Variants in WDR59 observed in about 807,000 individuals in gnomAD.
WDR59 encodes GATOR2 complex protein WDR59.
Under a neutral mutation model 131.2 loss-of-function variants are expected in WDR59, and 100 were observed. The ratio of observed to expected loss-of-function variants is 0.76; its 90% CI spans 0.65 to 0.90. The LOEUF (loss-of-function observed/expected upper bound fraction) is 0.90, where lower values mean the gene tolerates loss of function less well. WDR59 is among the 40% of genes least tolerant of loss of function. The probability of loss-of-function intolerance (pLI) is 0.00; values close to 1 mark genes in which losing one functional copy is unlikely to be tolerated. For synonymous variants in WDR59, 601 were observed against 466.2 expected (o/e 1.29, Z -3.72); for missense variants, 1,203 against 1,262.2 (o/e 0.95, Z 0.71).
At chr16:74,888,931 G>C (rs889776135) in intron 21 of WDR59, among the ~76,000 whole-genome samples, 1 of 152,216 alleles carries the variant, frequency 6.6e-6, no homozygotes, top group Admixed American at 6.5e-5. Flanking sequence ...GAGGGGCTTT[G>C]CCTTTAAGAA....
rs1336010990 is a variant in WDR59, at chr16:74,909,975, T to TC, written c.1390-59_1390-58insG. On this transcript the variant is annotated intron_variant, in intron 14 of 25. Transcript: ENST00000262144. Reference sequence around the variant, plus strand: ...GAACACATTTCTCTGATAGGTTTTTTTTTTTTTTTTGAGACAAAGTCTCTC... The same window carrying TC: ...GAACACATTTCTCTGATAGGTTTTTTCTTTTTTTTTTGAGACAAAGTCTCTC... The TC allele has an allele frequency of 1.4e-4, 201 of 1,394,406 alleles. 2 individuals carry two copies. In the East Asian group the frequency reaches 4.5e-3, roughly 31 times the overall value. The allele number at this position is 1,394,406 out of a possible 1,614,324, so 86.4% of individuals were successfully genotyped here. A position where few individuals can be genotyped will look rare whatever the true frequency, so the allele number is the denominator to read the frequency against.
intron 1 of WDR59, among the ~76,000 whole-genome samples, chr16:74,966,428 C>T (rs769652056): frequency 2.3e-4 from 35 of 151,986 alleles, no homozygotes; most frequent in Non-Finnish European, 2.4e-4. Context: ...TGCAGTGACT[C>T]GAGATTGAGC....
At chr16:74,914,811 G>A (rs932413332) in intron 13 of WDR59, among the ~76,000 whole-genome samples, 1 of 152,046 alleles carries the variant, frequency 6.6e-6, no homozygotes, top group Non-Finnish European at 1.5e-5. Context: ...CCAAGAAGGT[G>A]TCGATCTCTT....
chr16:74,981,513 G>C (rs2034402530), intron 1 of WDR59, among the ~76,000 whole-genome samples: 1 of 148,040 alleles, frequency 6.8e-6, no homozygotes, highest in African/African-American at 2.5e-5. Context: ...AGCCAAGATT[G>C]CACCACTGCA....
In WDR59 at chr16:74,967,442, A is replaced by G. The variant is rs1270967687; in HGVS notation, c.55-1620T>C. Among the ~76,000 whole-genome samples, 6 of 152,192 alleles carry G rather than the reference A, an allele frequency of 3.9e-5. No homozygotes were observed. The East Asian group carries it at 9.6e-4, about 24-fold the overall frequency. ...GTAGGCAGAATCCTAACAGCCCCCAAGATTCCAGGCCCTTGGTATATACAC... is the reference window on the plus strand; with the variant it reads ...GTAGGCAGAATCCTAACAGCCCCCAGGATTCCAGGCCCTTGGTATATACAC... On this transcript the variant is annotated intron_variant, in intron 1 of 25. Coordinates refer to ENST00000262144, the MANE Select transcript of WDR59 (RefSeq NM_030581.4).
chr16:74,879,438 G>A (rs1055705403), intron 25 of WDR59, among the ~76,000 whole-genome samples: 3 of 152,176 alleles, frequency 2.0e-5, no homozygotes, highest in Non-Finnish European at 2.9e-5. Context: ...AATGGATCAG[G>A]ATTTCTAGGA....
intron 18 of WDR59, chr16:74,899,852 C>T (rs1156293652): frequency 7.9e-6 from 7 of 886,048 alleles, no homozygotes; most frequent in East Asian, 6.2e-5. Flanking sequence ...CCCACACATC[C>T]GATGGATTCC....
intron 14 of WDR59, among the ~76,000 whole-genome samples, chr16:74,910,839 C>A (rs1290974661): frequency 6.6e-6 from 1 of 151,952 alleles, no homozygotes; most frequent in African/African-American, 2.4e-5. Context: ...ATGGCATGAT[C>A]TCCGCTCACT....
chr16:74,876,052 G>C (rs147138831), intron 25 of WDR59, among the ~76,000 whole-genome samples: 187 of 152,082 alleles, frequency 1.2e-3, no homozygotes, highest in Admixed American at 3.0e-3. Context: ...GTTACACCAC[G>C]CATCTTCCAA....
At chr16:74,973,584 G>GGCATGA (rs1185213245) in intron 1 of WDR59, among the ~76,000 whole-genome samples, 1 of 152,172 alleles carries the variant, frequency 6.6e-6, no homozygotes, top group Non-Finnish European at 1.5e-5. Context: ...CACCATGCTT[G>GGCATGA]GCCCAACAGT....
chr16:74,877,941 C>G (rs1432454383), intron 25 of WDR59, among the ~76,000 whole-genome samples: 1 of 152,212 alleles, frequency 6.6e-6, no homozygotes, highest in African/African-American at 2.4e-5. Flanking sequence ...CCAATCACCT[C>G]TGACAACTCT....
intron 8 of WDR59, among the ~76,000 whole-genome samples, chr16:74,928,256 C>G (rs900131665): frequency 5.6e-5 from 8 of 143,968 alleles, no homozygotes; most frequent in Admixed American, 1.5e-4. Context: ...CTTTGCAGCC[C>G]AGGCTGAAGT....
At chr16:74,964,060 T>C (rs541092919) in intron 2 of WDR59, among the ~76,000 whole-genome samples, 1 of 151,400 alleles carries the variant, frequency 6.6e-6, no homozygotes, top group Non-Finnish European at 1.5e-5. Context: ...AAATGAAATA[T>C]AAAGATTCAA....
At chr16:74,882,960 G>A (rs536582703) in intron 25 of WDR59, among the ~76,000 whole-genome samples, 3 of 148,458 alleles carry the variant, frequency 2.0e-5, no homozygotes, top group East Asian at 1.9e-4. Flanking sequence ...CCACCCCATC[G>A]CTCCCTAGAT....
At chr16:74,979,838 CTTT>C (rs56943510) in intron 1 of WDR59, among the ~76,000 whole-genome samples, 113 of 60,502 alleles carry the variant, frequency 1.9e-3, no homozygotes, top group South Asian at 4.6e-3. Flanking sequence ...CACACCCGGC[CTTT>C]TTTTTTTTTT....
chr16:74,921,945 A>C lies in WDR59; in HGVS notation c.886+2T>G. The C allele has an allele frequency of 6.2e-7, 1 of 1,613,426 alleles. No individual in the cohort carries two copies. Among genetic ancestry groups the C allele is most frequent in the South Asian group, 1.1e-5 (1 of 90,946 alleles). On this transcript the variant is annotated splice_donor_variant, in intron 10 of 25. Coordinates refer to ENST00000262144, the MANE Select transcript of WDR59 (RefSeq NM_030581.4). LOFTEE classifies it high-confidence loss of function. The stretch of plus-strand genomic sequence containing the variant: ...AGTGGGCAGCAGGCCTCTCCCACTC[A>C]CCTTCCTTCTGCTTCCTCCACTGGA...
At position 74,961,140 on chromosome 16, in the gene WDR59, T is replaced by C. The variant is rs1385008895; in HGVS notation, c.105-4530A>G. 4.5e-5 allele frequency among the ~76,000 whole-genome samples: 6 copies of C among 132,776 alleles called. No homozygotes were observed. The Admixed American group carries it at 4.6e-4, about 10-fold the overall frequency. 87.1% of individuals were successfully genotyped at this position (132,776 alleles called of 152,430 possible). A position where few individuals can be genotyped will look rare whatever the true frequency, so the allele number is the denominator to read the frequency against. On this transcript the variant is annotated intron_variant, in intron 2 of 25. Coordinates refer to ENST00000262144, the MANE Select transcript of WDR59 (RefSeq NM_030581.4). Reference sequence around the variant, plus strand: ...AGGCAACACAGGGAGACCCTGTCTCTACAAAAAAAAAAAACTTAGCCAGAC... The same window carrying C: ...AGGCAACACAGGGAGACCCTGTCTCCACAAAAAAAAAAAACTTAGCCAGAC...
At chr16:74,909,398 G>T in intron 16 of WDR59, 103 bp downstream of exon 16, 3 of 1,383,392 alleles carry the variant, frequency 2.2e-6, no homozygotes, top group African/African-American at 1.5e-5. Context: ...GAGTTCTCGG[G>T]AGTAAAAGCA....
intron 25 of WDR59, among the ~76,000 whole-genome samples, chr16:74,885,376 A>G (rs1484273304): frequency 1.4e-5 from 2 of 146,016 alleles, no homozygotes; most frequent in Non-Finnish European, 3.0e-5. Flanking sequence ...TAGAACCCAG[A>G]AGGCAGAGGT....
Sources: gnomAD v4.1 joint callset for allele counts (sites outside exome capture counted in the v4.1 genomes callset) on GRCh38, gnomAD v4.1.1 for gene constraint, MANE v1.5 for transcripts, NCBI Gene and HGNC (gene_info 2026-07-23, HGNC 2026-07-21) for gene names.